Variants in BLZF1 observed in about 807,000 individuals in gnomAD.
The protein encoded by BLZF1 is golgin-45.
Under a neutral mutation model 43.8 loss-of-function variants are expected in BLZF1, and 39 were observed. The observed-to-expected ratio is 0.89, with a 90% CI of 0.69 to 1.16. The LOEUF (loss-of-function observed/expected upper bound fraction) is 1.16. Among genes scored for constraint, BLZF1 ranks in the 50% most tolerant of loss-of-function variants. BLZF1 has a pLI of 0.00. For missense variants in BLZF1, 449 were observed against 469.8 expected (o/e 0.96, Z 0.41); for synonymous variants, 136 against 159.4 (o/e 0.85, Z 1.11).
At chr1:169,392,001 T>C (rs1324844049), downstream of BLZF1, among the ~76,000 whole-genome samples, 2 of 152,238 alleles carry the variant, frequency 1.3e-5, no homozygotes, top group Non-Finnish European at 2.9e-5. Flanking sequence ...CTTGATGGGC[T>C]TTTGTGGCAT....
rs781427328 is a variant in BLZF1, at chr1:169,382,240, G to A, written c.976G>A (p.Val326Ile). The change falls in exon 6 of 7, where the codon GTT (valine) becomes ATT (isoleucine). Residue 326 changes from valine (V) to isoleucine (I), a missense_variant. Val to Ile is a conservative substitution (Grantham distance 29). Transcript: ENST00000367808. Reference sequence around the variant, plus strand: ...CAATCAAAAAAAGATTCCATCAACAGTTGAATTCTGCAGCACCCCAGCTGA... The same window carrying A: ...CAATCAAAAAAAGATTCCATCAACAATTGAATTCTGCAGCACCCCAGCTGA... Reference protein sequence around the residue: ...INNQKKIPSTVEFCSTPAEKM... With the variant: ...INNQKKIPSTIEFCSTPAEKM... 2 of 1,613,744 alleles carry A rather than the reference G, an allele frequency of 1.2e-6. No homozygotes were observed. The highest frequency in any genetic ancestry group is 1.7e-6 in the Non-Finnish European group (2 of 1,179,704).
In BLZF1 at chr1:169,377,748, C is replaced by G. The variant is rs535113879; in HGVS notation, c.469-582C>G. ...CCCACTTTTTTCAGTTATTAATGTT[C>G]TGCCATGTCACAGAATATTCTATTA... On this transcript the variant is annotated intron_variant, in intron 3 of 6. Transcript: ENST00000367808. Among the ~76,000 whole-genome samples the G allele has an allele frequency of 2.6e-5, 4 of 152,054 alleles. No homozygotes were observed. The South Asian group carries it at 8.3e-4, about 32-fold the overall frequency.
In BLZF1 at chr1:169,380,767, C is replaced by G. The variant is rs59034131; in HGVS notation, c.797+158C>G. ...TTAGTAGCATTTTAAAATAGATGCT[C>G]TGGGAGGGAAGAGGACTGAAAAAAT... On this transcript the variant is annotated intron_variant, in intron 5 of 6. Coordinates refer to ENST00000367808, the MANE Select transcript of BLZF1 (RefSeq NM_001320973.2). 4.0e-3 allele frequency among the ~76,000 whole-genome samples: 607 copies of G among 152,070 alleles called. 16 individuals carry two copies. The highest frequency in any genetic ancestry group is 0.017 in the East Asian group (88 of 5,174).
chr1:169,383,701 C>T (rs1654589671), intron 6 of BLZF1, among the ~76,000 whole-genome samples: 1 of 151,322 alleles, frequency 6.6e-6, no homozygotes, highest in Non-Finnish European at 1.5e-5. Context: ...GGCCCTGATG[C>T]TACCTCTCTG....
rs1222187258 is a variant in BLZF1, at chr1:169,387,617, T to A, written c.*435T>A. Reference sequence around the variant, plus strand: ...CATGTGCTATTGTCTAAGCTGGTTTTGCACTACAACTGCAGAGTTGAATAG... The same window carrying A: ...CATGTGCTATTGTCTAAGCTGGTTTAGCACTACAACTGCAGAGTTGAATAG... On this transcript the variant is annotated 3_prime_UTR_variant, in exon 7 of 7. Coordinates refer to ENST00000367808, the MANE Select transcript of BLZF1 (RefSeq NM_001320973.2). The A allele has an allele frequency of 6.5e-6, 1 of 153,608 alleles. No individual in the cohort carries two copies. The highest frequency in any genetic ancestry group is 2.4e-5 in the African/African-American group (1 of 41,468). The allele number at this position is 153,608 out of a possible 1,614,324, so 9.5% of individuals were successfully genotyped here. A position where few individuals can be genotyped will look rare whatever the true frequency, so the allele number is the denominator to read the frequency against.
chr1:169,379,711 G>A (rs564496204), intron 4 of BLZF1, among the ~76,000 whole-genome samples: 86 of 151,942 alleles, frequency 5.7e-4, no homozygotes, highest in South Asian at 3.7e-3. Context: ...TTTTTCAGCC[G>A]ATTAACCATA....
At chr1:169,389,557 C>G (rs1295690884), downstream of BLZF1, among the ~76,000 whole-genome samples, 1 of 152,096 alleles carries the variant, frequency 6.6e-6, no homozygotes, top group East Asian at 1.9e-4. Flanking sequence ...GGCAGATCCT[C>G]AAAATATTAA....
At position 169,378,501 on chromosome 1, in the gene BLZF1, G is replaced by T. The variant is rs773746728; in HGVS notation, c.640G>T (p.Val214Leu). The change falls in exon 4 of 7, where the codon GTA becomes TTA. Residue 214 changes from valine (V) to leucine (L), a missense_variant. Coordinates refer to ENST00000367808, the MANE Select transcript of BLZF1 (RefSeq NM_001320973.2). ...AGAACGTATGTCAATACAGTGTGAT[G>T]TATGGCGAAGTAAATTCCTTGCAAG... The part of the protein sequence containing the change: ...QLERMSIQCD[V>L]WRSKFLASRV... 1 of 1,612,328 alleles carries T rather than the reference G, an allele frequency of 6.2e-7. No homozygotes were observed. The highest frequency in any genetic ancestry group is 1.3e-5 in the African/African-American group (1 of 74,836).
intron 6 of BLZF1, among the ~76,000 whole-genome samples, chr1:169,383,535 C>A (rs559543614): frequency 6.6e-6 from 1 of 152,306 alleles, no homozygotes; most frequent in Admixed American, 6.5e-5. Context: ...ACCATCCATT[C>A]CTCAATTCCT....
intron 7 of BLZF1, chr1:169,394,835 A>C (rs1654922793): frequency 2.7e-6 from 1 of 368,046 alleles, no homozygotes; most frequent in African/African-American, 2.1e-5. Flanking sequence ...TTCGTTGTTC[A>C]ATTTGTTGCA....
At chr1:169,375,378 CATATATATATAAAACATATAT>C (rs1557846881) in intron 2 of BLZF1, among the ~76,000 whole-genome samples, 2 of 100,116 alleles carry the variant, frequency 2.0e-5, no homozygotes, top group African/African-American at 3.8e-5. Context: ...ACATATAAAA[CATATATATATAAAACATATAT>C]ATATATATAT....
chr1:169,376,069 C>T (rs1015246327), intron 2 of BLZF1, among the ~76,000 whole-genome samples: 1 of 152,010 alleles, frequency 6.6e-6, no homozygotes, highest in Non-Finnish European at 1.5e-5. Context: ...CTTCCTCTTA[C>T]TCCAAGAGTT....
At chr1:169,375,677 A>G (rs1654295153) in intron 2 of BLZF1, among the ~76,000 whole-genome samples, 1 of 151,488 alleles carries the variant, frequency 6.6e-6, no homozygotes, top group African/African-American at 2.4e-5. Flanking sequence ...TTAGGTACCC[A>G]GCATCATGTT....
At chr1:169,377,846 T>C (rs1415096493) in intron 3 of BLZF1, among the ~76,000 whole-genome samples, 1 of 152,034 alleles carries the variant, frequency 6.6e-6, no homozygotes, top group East Asian at 1.9e-4. Flanking sequence ...TTGGATATCT[T>C]TTAATTTTTT....
In BLZF1 at chr1:169,382,192, C is replaced by T; in HGVS notation, c.928C>T (p.Leu310Phe). 1.9e-6 allele frequency: 3 copies of T among 1,613,730 alleles called. No homozygotes were observed. The highest frequency in any genetic ancestry group is 1.7e-6 in the Non-Finnish European group (2 of 1,179,724). ...HKLAKAVNSH[L>F]LGNVGINNQK... ...GTTGGCAAAAGCAGTAAATTCTCAT[C>T]TTCTGGGAAATGTTGGCATTAACAA... is the stretch of plus-strand genomic sequence containing the variant. The change falls in exon 6 of 7, where the codon CTT becomes TTT. Residue 310 changes from leucine (L) to phenylalanine (F), a missense_variant. Coordinates refer to ENST00000367808, the MANE Select transcript of BLZF1 (RefSeq NM_001320973.2).
chr1:169,377,060 T>G, intron 3 of BLZF1, 81 bp downstream of exon 3: 2 of 1,136,740 alleles, frequency 1.8e-6, no homozygotes, highest in Non-Finnish European at 2.5e-6. Flanking sequence ...AAAACTACAT[T>G]TCTTTATGGG....
chr1:169,377,029 C>A, intron 3 of BLZF1, 50 bp downstream of exon 3: 1 of 1,449,260 alleles, frequency 6.9e-7, no homozygotes, highest in Non-Finnish European at 9.5e-7. Context: ...TACGTCTGGA[C>A]CTTTTAAACG....
chr1:169,388,485 G>GACA (rs1261578230), downstream of BLZF1, among the ~76,000 whole-genome samples: 2 of 152,240 alleles, frequency 1.3e-5, no homozygotes, highest in Admixed American at 6.5e-5. Flanking sequence ...TCTTGAATAT[G>GACA]ACAACAGAAG....
downstream of BLZF1, among the ~76,000 whole-genome samples, chr1:169,391,658 A>T (rs1016954814): frequency 6.6e-6 from 1 of 152,232 alleles, no homozygotes; most frequent in Non-Finnish European, 1.5e-5. Context: ...TCTAAGCTAT[A>T]TGTCCATGTG....
Sources: allele counts gnomAD v4.1 joint callset (sites outside exome capture counted in the v4.1 genomes callset), GRCh38; gene constraint gnomAD v4.1.1; transcripts MANE v1.5; gene names NCBI Gene and HGNC (gene_info 2026-07-23, HGNC 2026-07-21).